Variants in BCAR3 observed in about 807,000 individuals in gnomAD.
BCAR3 encodes the protein breast cancer anti-estrogen resistance protein 3.
Under a neutral mutation model 80.1 loss-of-function variants are expected in BCAR3, and 37 were observed. That is an observed-to-expected ratio of 0.46 (90% confidence interval 0.36 to 0.61). The LOEUF (loss-of-function observed/expected upper bound fraction) is 0.61. Among genes scored for constraint, BCAR3 ranks in the 20% least tolerant of loss-of-function variants. The pLI, the probability that BCAR3 is intolerant of heterozygous loss-of-function variation, is 0.00. For synonymous variants in BCAR3, 389 were observed against 418.9 expected (o/e 0.93, Z 0.87); for missense variants, 978 against 1,068.2 (o/e 0.92, Z 1.18).
chr1:93,618,417 C>T (rs953684044), intron 3 of BCAR3, among the ~76,000 whole-genome samples: 1 of 152,230 alleles, frequency 6.6e-6, no homozygotes, highest in Non-Finnish European at 1.5e-5. Context: ...AGCACATAAA[C>T]AAAGAGACTA....
At chr1:93,835,043 C>CATT (rs35183147) in intron 2 of BCAR3, among the ~76,000 whole-genome samples, 91,254 of 151,610 alleles carry the variant, frequency 0.6, 28,704 homozygotes, top group East Asian at 0.78. Context: ...CCACATCTAT[C>CATT]GAGGCTACTG....
chr1:93,749,586 CAAAA>C (rs1160570100), intron 2 of BCAR3, among the ~76,000 whole-genome samples: 3 of 69,386 alleles, frequency 4.3e-5, no homozygotes, highest in Non-Finnish European at 6.2e-5. Context: ...GAGACTCCGT[CAAAA>C]AAAAAAAAAA....
rs181398434 is a variant in BCAR3 at position 93,669,908 on chromosome 1, T to G, written c.317+4706A>C. Among the ~76,000 whole-genome samples, 419 of 152,210 alleles carry G rather than the reference T, an allele frequency of 2.8e-3. 1 individual carries two copies. Among genetic ancestry groups the G allele is most frequent in the South Asian group, 7.5e-3 (36 of 4,804 alleles). The stretch of plus-strand genomic sequence containing the variant: ...GCTATGAGATGCAAAGGCATAAGAA[T>G]GATACAATGGACTTTGGGGACTTGG... On this transcript the variant is annotated intron_variant, in intron 2 of 11. Coordinates refer to ENST00000260502, the MANE Select transcript of BCAR3 (RefSeq NM_003567.4).
At chr1:93,784,766 T>G (rs1454008129) in intron 2 of BCAR3, among the ~76,000 whole-genome samples, 2 of 152,246 alleles carry the variant, frequency 1.3e-5, no homozygotes, top group Non-Finnish European at 2.9e-5. Flanking sequence ...ACATTAGGAA[T>G]ATTGAGAATT....
At chr1:93,752,384 T>C (rs987679988) in intron 2 of BCAR3, among the ~76,000 whole-genome samples, 1 of 152,218 alleles carries the variant, frequency 6.6e-6, no homozygotes, top group African/African-American at 2.4e-5. Flanking sequence ...AAGTCAGCAA[T>C]GAGCATCTAC....
intron 5 of BCAR3, among the ~76,000 whole-genome samples, chr1:93,587,534 T>A (rs1673993658): frequency 6.6e-6 from 1 of 152,160 alleles, no homozygotes; most frequent in African/African-American, 2.4e-5. Flanking sequence ...GAGCCGGCAT[T>A]TGTGCCTGGC....
At chr1:93,774,884 T>C (rs551344194) in intron 2 of BCAR3, among the ~76,000 whole-genome samples, 1 of 152,316 alleles carries the variant, frequency 6.6e-6, no homozygotes, top group African/African-American at 2.4e-5. Context: ...GCAAGAGATG[T>C]CTTGTATAAA....
At chr1:93,811,977 G>A (rs994994704) in intron 2 of BCAR3, among the ~76,000 whole-genome samples, 6 of 152,178 alleles carry the variant, frequency 3.9e-5, no homozygotes, top group South Asian at 2.1e-4. Flanking sequence ...GTTGGTAAAC[G>A]TTTCCCAGCA....
At position 93,589,359 on chromosome 1, in the gene BCAR3, G is replaced by A. The variant is rs778600216; in HGVS notation, c.547C>T (p.Pro183Ser). ...TGACAGGTCAGGACAAAGTTCCCAG[G>A]GCTGGACAGAGAGTCACGAACTAGG... Reference protein sequence around the residue: ...DFLVRDSLSSPGNFVLTCQWK... With the variant: ...DFLVRDSLSSSGNFVLTCQWK... The change falls in exon 5 of 12, where the codon CCT becomes TCT. Residue 183 changes from proline to serine, a missense_variant. By Grantham distance (74) the Pro-to-Ser change is moderately conservative (BLOSUM62 -1). Coordinates refer to ENST00000260502, the MANE Select transcript of BCAR3 (RefSeq NM_003567.4). 6.2e-7 allele frequency: 1 copy of A among 1,614,082 alleles called. No homozygotes were observed. Among genetic ancestry groups the A allele is most frequent in the Non-Finnish European group, 8.5e-7 (1 of 1,180,022 alleles).
intron 2 of BCAR3, among the ~76,000 whole-genome samples, chr1:93,734,917 A>G (rs1650923377): frequency 6.6e-6 from 1 of 151,984 alleles, no homozygotes; most frequent in Non-Finnish European, 1.5e-5. Flanking sequence ...GTCCTCCCTC[A>G]CTCCCAGACT....
At chr1:93,574,456 C>T (rs1044748507) in intron 8 of BCAR3, among the ~76,000 whole-genome samples, 14 of 152,088 alleles carry the variant, frequency 9.2e-5, no homozygotes, top group Non-Finnish European at 1.8e-4. Context: ...CCACAGGTCA[C>T]AAGAAACAAG....
chr1:93,567,916 G>A (rs1673025462), intron 9 of BCAR3, 65 bp from the exon 10 acceptor site: 2 of 1,357,970 alleles, frequency 1.5e-6, no homozygotes, highest in South Asian at 1.2e-5. Context: ...GCTGGGCGTG[G>A]TAGCTCACGC....
At chr1:93,686,275 G>A (rs1557654241), upstream of BCAR3, among the ~76,000 whole-genome samples, 1 of 152,152 alleles carries the variant, frequency 6.6e-6, no homozygotes, top group Non-Finnish European at 1.5e-5. Context: ...GCACTGTGGT[G>A]CATGCCTGTA....
chr1:93,686,983 C>T (rs1648997971), intron 3 of BCAR3, among the ~76,000 whole-genome samples: 1 of 152,222 alleles, frequency 6.6e-6, no homozygotes, highest in Admixed American at 6.5e-5. Context: ...ATGTGCCTTA[C>T]AGCACCCTCT....
At chr1:93,707,332 A>G (rs566570813) in intron 2 of BCAR3, among the ~76,000 whole-genome samples, 3 of 152,348 alleles carry the variant, frequency 2.0e-5, no homozygotes, top group African/African-American at 7.2e-5. Flanking sequence ...AAGTACAGTA[A>G]TTAAATAAAA....
intron 4 of BCAR3, among the ~76,000 whole-genome samples, chr1:93,589,810 G>A (rs1674097554): frequency 6.6e-6 from 1 of 152,190 alleles, no homozygotes. Flanking sequence ...GCCGGGGAGG[G>A]GATGAGGGCT....
intron 5 of BCAR3, 36 bp downstream of exon 5, chr1:93,588,941 G>T (rs554315169): frequency 1.3e-6 from 2 of 1,508,012 alleles, no homozygotes; most frequent in Admixed American, 4.5e-5. Context: ...GCACCCCGGC[G>T]CCCCTCATAG....
chr1:93,770,657 A>T (rs1433438095), intron 2 of BCAR3, among the ~76,000 whole-genome samples: 1 of 152,200 alleles, frequency 6.6e-6, no homozygotes, highest in Non-Finnish European at 1.5e-5. Flanking sequence ...AAATATAAGG[A>T]AACTAATGCT....
At chr1:93,641,542 A>G (rs1197776267) in intron 3 of BCAR3, among the ~76,000 whole-genome samples, 1 of 152,256 alleles carries the variant, frequency 6.6e-6, no homozygotes, top group Admixed American at 6.5e-5. Flanking sequence ...TAAAGCAAAC[A>G]GCAACACTGG....
Sources: allele counts gnomAD v4.1 joint callset (sites outside exome capture counted in the v4.1 genomes callset), GRCh38; gene constraint gnomAD v4.1.1; transcripts MANE v1.5; gene names NCBI Gene and HGNC (gene_info 2026-07-23, HGNC 2026-07-21).